Variants in CDH17 observed in about 807,000 individuals in gnomAD.
The protein encoded by CDH17 is cadherin-17.
CDH17 carries 67 observed loss-of-function variants against 86.3 expected under a neutral mutation model. That is an observed-to-expected ratio of 0.78 (90% confidence interval 0.64 to 0.95). The LOEUF (loss-of-function observed/expected upper bound fraction) is 0.95. Among genes scored for constraint, CDH17 ranks in the 40% least tolerant of loss-of-function variants. CDH17 has a pLI of 0.00. For synonymous variants in CDH17, 367 were observed against 366.4 expected (o/e 1.00, Z -0.02); for missense variants, 993 against 1,017.6 (o/e 0.98, Z 0.33).
At chr8:94,132,965 T>A (rs1012774251) in intron 15 of CDH17, among the ~76,000 whole-genome samples, 1 of 152,176 alleles carries the variant, frequency 6.6e-6, no homozygotes. Context: ...TTGTCAAAGA[T>A]CACATGATTG....
intron 3 of CDH17, among the ~76,000 whole-genome samples, chr8:94,185,305 ACACACACACC>A (rs1266715003): frequency 2.2e-5 from 3 of 137,158 alleles, no homozygotes; most frequent in Admixed American, 1.5e-4. Flanking sequence ...ACACACACAC[ACACACACACC>A]CCTGTAAAGA....
At chr8:94,209,936 A>T (rs1814094032), upstream of CDH17, among the ~76,000 whole-genome samples, 1 of 152,072 alleles carries the variant, frequency 6.6e-6, no homozygotes, top group South Asian at 2.1e-4. Context: ...TTTTTTTCAA[A>T]AATAAAGTGC....
rs1043843928 is a variant in CDH17, at chr8:94,160,132, T to G, written c.1390A>C (p.Asn464His). ...YGNLTLAEDT[N>H]IGSTILTIQA... ...ATGGTTAAGATGGTGGACCCAATGT[T>G]TGTGTCTTCAGCAAGAGTCAGGTTT... Residue 464 changes from asparagine to histidine, a missense_variant, in exon 12 of 18, where the codon AAC becomes CAC. Asn to His is a moderately conservative substitution (Grantham distance 68). Coordinates refer to ENST00000027335, the MANE Select transcript of CDH17 (RefSeq NM_004063.4). 1.9e-6 allele frequency: 3 copies of G among 1,613,104 alleles called. No individual in the cohort carries two copies. The highest frequency in any genetic ancestry group is 1.7e-4 in the Middle Eastern group (1 of 6,056).
intron 15 of CDH17, among the ~76,000 whole-genome samples, chr8:94,145,725 G>C (rs976651392): frequency 1.8e-4 from 28 of 152,166 alleles, no homozygotes; most frequent in African/African-American, 6.5e-4. Context: ...AGAGAATGCT[G>C]TGTGGTCATA....
intron 9 of CDH17, among the ~76,000 whole-genome samples, chr8:94,167,310 A>C (rs1813176252): frequency 1.3e-5 from 2 of 152,126 alleles, no homozygotes; most frequent in African/African-American, 4.8e-5. Context: ...TGGGAATTGT[A>C]GGTCTCTTTA....
intron 12 of CDH17, among the ~76,000 whole-genome samples, chr8:94,159,200 G>A (rs934269048): frequency 6.6e-6 from 1 of 152,116 alleles, no homozygotes; most frequent in Non-Finnish European, 1.5e-5. Context: ...CATGGCAGGG[G>A]ACAGGAGTAG....
At chr8:94,150,444 T>C (rs576560608) in intron 13 of CDH17, among the ~76,000 whole-genome samples, 1 of 152,356 alleles carries the variant, frequency 6.6e-6, no homozygotes, top group East Asian at 1.9e-4. Flanking sequence ...TTCAAATCCA[T>C]TGGGTGCTAA....
chr8:94,212,875 G>A (rs540998047), upstream of CDH17, among the ~76,000 whole-genome samples: 6 of 152,352 alleles, frequency 3.9e-5, no homozygotes, highest in South Asian at 1.0e-3. Flanking sequence ...TCTCATGAAT[G>A]GGATGGCTAG....
upstream of CDH17, among the ~76,000 whole-genome samples, chr8:94,210,943 C>G (rs780862129): frequency 5.3e-5 from 8 of 151,310 alleles, no homozygotes; most frequent in Admixed American, 1.3e-4. Flanking sequence ...ATCATTTGAA[C>G]CTGGGAGGTG....
At chr8:94,149,173 C>G (rs1319488656) in intron 13 of CDH17, among the ~76,000 whole-genome samples, 2 of 152,152 alleles carry the variant, frequency 1.3e-5, no homozygotes, top group African/African-American at 4.8e-5. Flanking sequence ...TAGTTCACAA[C>G]TTCTGGGGAA....
chr8:94,169,077 G>T (rs182397197), intron 9 of CDH17, among the ~76,000 whole-genome samples: 13 of 152,256 alleles, frequency 8.5e-5, no homozygotes, highest in Admixed American at 2.6e-4. Context: ...GCAGAAATAG[G>T]TAACAAATAG....
chr8:94,197,659 C>T (rs541335480), intron 1 of CDH17, among the ~76,000 whole-genome samples: 3 of 151,792 alleles, frequency 2.0e-5, no homozygotes, highest in South Asian at 2.1e-4. Flanking sequence ...AGTGAAACCC[C>T]GTCTCTACTA....
In CDH17 at chr8:94,189,180, C is replaced by A; in HGVS notation, c.150+7G>T. ...TCAAGAGGACAGTGATCAAGGGTAG[C>A]TTTTACCTGGAATATAATTTGACTC... On this transcript the variant is annotated splice_region_variant and intron_variant, in intron 3 of 17. Transcript: ENST00000027335. 1.2e-6 allele frequency: 2 copies of A among 1,603,332 alleles called. No homozygotes were observed. The highest frequency in any genetic ancestry group is 1.1e-5 in the South Asian group (1 of 90,256).
At position 94,185,000 on chromosome 8, in the gene CDH17, C is replaced by T. The variant is rs1813551195; in HGVS notation, c.150+4187G>A. On this transcript the variant is annotated intron_variant, in intron 3 of 17. Coordinates refer to ENST00000027335, the MANE Select transcript of CDH17 (RefSeq NM_004063.4). ...TCCCCACCACTGAAGCAAAGAGCTC[C>T]GAGCACATCTTACCAAGGCTGGGTT... 1.3e-5 allele frequency among the ~76,000 whole-genome samples: 2 copies of T among 152,086 alleles called. 1 individual carries two copies. The highest frequency in any genetic ancestry group is 4.2e-4 in the South Asian group (2 of 4,806).
At chr8:94,186,251 T>C (rs1455260447) in intron 3 of CDH17, among the ~76,000 whole-genome samples, 1 of 150,470 alleles carries the variant, frequency 6.6e-6, no homozygotes, top group Non-Finnish European at 1.5e-5. Flanking sequence ...TTTGCTGTAC[T>C]CTCTCTCTCT....
chr8:94,131,319 G>C (rs368212164), intron 15 of CDH17, among the ~76,000 whole-genome samples: 59 of 152,318 alleles, frequency 3.9e-4, no homozygotes, highest in African/African-American at 1.3e-3. Context: ...AGGAAAGACA[G>C]GGTTAGGTTT....
At chr8:94,199,924 G>A (rs1357556274) in intron 1 of CDH17, among the ~76,000 whole-genome samples, 1 of 152,064 alleles carries the variant, frequency 6.6e-6, no homozygotes, top group Non-Finnish European at 1.5e-5. Flanking sequence ...GAATACTGTT[G>A]GCCAAAAATT....
At chr8:94,162,229 C>T in intron 10 of CDH17, 67 bp from the exon 11 acceptor site, 2 of 1,030,062 alleles carry the variant, frequency 1.9e-6, no homozygotes, top group South Asian at 2.7e-5. Context: ...CAGAAATCTG[C>T]AAGAAAATAC....
At chr8:94,170,737 G>T in intron 8 of CDH17, 117 bp downstream of exon 8, 1 of 1,374,294 alleles carries the variant, frequency 7.3e-7, no homozygotes, top group Non-Finnish European at 9.9e-7. Context: ...CCAATAATAT[G>T]CTGGAGTCTG....
Sources: gnomAD v4.1 joint callset for allele counts (sites outside exome capture counted in the v4.1 genomes callset) on GRCh38, gnomAD v4.1.1 for gene constraint, MANE v1.5 for transcripts, NCBI Gene and HGNC (gene_info 2026-07-23, HGNC 2026-07-21) for gene names.